PPP1R9A: variants seen among roughly 807,000 people sequenced by gnomAD.
PPP1R9A encodes neurabin-1.
A neutral mutation model predicts 141.9 loss-of-function variants in PPP1R9A; 59 were observed. That is an observed-to-expected ratio of 0.42 (90% CI 0.34 to 0.52). PPP1R9A has a LOEUF of 0.52. Ranked by LOEUF, PPP1R9A falls within the 20% of genes least tolerant of loss-of-function variation. PPP1R9A has a pLI of 0.10. For synonymous variants in PPP1R9A, 500 were observed against 569.7 expected, an observed-to-expected ratio of 0.88 and a Z score of 1.74; for missense variants, 1,444 against 1,611.9, an observed-to-expected ratio of 0.90 and a Z score of 1.78.
chr7:95,251,034 T>C (rs1309378797), intron 10 of PPP1R9A, among the ~76,000 whole-genome samples: 1 of 152,190 alleles, frequency 6.6e-6, no homozygotes, highest in African/African-American at 2.4e-5. Context: ...AGATTAACCA[T>C]ATTTCTTTTA....
At chr7:94,995,667 C>G (rs1802078485) in intron 2 of PPP1R9A, among the ~76,000 whole-genome samples, 2 of 152,084 alleles carry the variant, frequency 1.3e-5, no homozygotes, top group Admixed American at 6.5e-5. Flanking sequence ...TTTAGTATCT[C>G]CCATACCTCT....
At chr7:95,058,801 T>C (rs180936537) in intron 2 of PPP1R9A, among the ~76,000 whole-genome samples, 6 of 151,976 alleles carry the variant, frequency 3.9e-5, no homozygotes, top group African/African-American at 9.7e-5. Context: ...CTTTTCTTTT[T>C]TTTTTTGAGA....
intron 2 of PPP1R9A, among the ~76,000 whole-genome samples, chr7:94,959,700 A>G (rs182267925): frequency 2.6e-5 from 4 of 151,824 alleles, no homozygotes; most frequent in Admixed American, 2.6e-4. Flanking sequence ...TCAGTTATTC[A>G]ATTTTTAATT....
At position 95,211,143 on chromosome 7, in the gene PPP1R9A, T is replaced by TA. The variant is rs58991785; in HGVS notation, c.1956+7426dup. On this transcript the variant is annotated intron_variant, in intron 7 of 19. Transcript: ENST00000433360. Reference sequence around the variant, plus strand: ...CACATGTATCCCAGAACTTAAAGTATAAAAAAAAAAAAACATTAAAAATAA... The same window carrying TA: ...CACATGTATCCCAGAACTTAAAGTATAAAAAAAAAAAAAACATTAAAAATAA... Among the ~76,000 whole-genome samples, 919 of 142,022 alleles carry TA rather than the reference T, an allele frequency of 6.5e-3. 4 individuals are homozygous for TA. The highest frequency in any genetic ancestry group is 0.013 in the African/African-American group (495 of 37,874). 93.2% of individuals were successfully genotyped at this position (142,022 alleles called of 152,430 possible).
intron 2 of PPP1R9A, among the ~76,000 whole-genome samples, chr7:95,110,669 C>T (rs963404457): frequency 2.0e-5 from 3 of 152,164 alleles, no homozygotes; most frequent in Non-Finnish European, 4.4e-5. Flanking sequence ...GTTTGCTGTA[C>T]AGCCCTTTAG....
At chr7:95,049,626 C>T (rs918686686) in intron 2 of PPP1R9A, among the ~76,000 whole-genome samples, 1 of 151,742 alleles carries the variant, frequency 6.6e-6, no homozygotes, top group Non-Finnish European at 1.5e-5. Context: ...TGACATATAT[C>T]CACATCATGC....
chr7:95,172,842 G>T (rs2152755954), intron 5 of PPP1R9A, among the ~76,000 whole-genome samples: 1 of 151,986 alleles, frequency 6.6e-6, no homozygotes, highest in East Asian at 1.9e-4. Flanking sequence ...TCTGGTTGAG[G>T]TATAAGAATA....
intron 5 of PPP1R9A, among the ~76,000 whole-genome samples, chr7:95,180,382 A>G (rs111744995): frequency 3.3e-5 from 5 of 152,154 alleles, no homozygotes; most frequent in Non-Finnish European, 7.4e-5. Context: ...TCAACTCAAG[A>G]TGGATTAAGG....
intron 3 of PPP1R9A, among the ~76,000 whole-genome samples, chr7:95,114,376 A>G (rs1244611224): frequency 6.6e-6 from 1 of 152,202 alleles, no homozygotes; most frequent in African/African-American, 2.4e-5. Flanking sequence ...AAAAAGTAGT[A>G]TTAAAAAGTA....
At chr7:95,282,611 A>G (rs965742416) in intron 16 of PPP1R9A, among the ~76,000 whole-genome samples, 1 of 152,174 alleles carries the variant, frequency 6.6e-6, no homozygotes, top group East Asian at 1.9e-4. Flanking sequence ...CACCCTCCCC[A>G]GAGGCTGCAG....
At chr7:94,936,862 T>TTAAAAGA (rs1794825618) in intron 2 of PPP1R9A, among the ~76,000 whole-genome samples, 1 of 152,128 alleles carries the variant, frequency 6.6e-6, no homozygotes, top group Non-Finnish European at 1.5e-5. Flanking sequence ...AAGTAATTTC[T>TTAAAAGA]CTAGTTGTTA....
chr7:94,929,689 A>G (rs1011344318), intron 2 of PPP1R9A, among the ~76,000 whole-genome samples: 1 of 152,056 alleles, frequency 6.6e-6, no homozygotes, highest in African/African-American at 2.4e-5. Flanking sequence ...GAGCATGGAA[A>G]GGCATTTTTA....
At chr7:95,151,344 A>T (rs1828632355) in intron 4 of PPP1R9A, among the ~76,000 whole-genome samples, 1 of 152,262 alleles carries the variant, frequency 6.6e-6, no homozygotes, top group South Asian at 2.1e-4. Flanking sequence ...AATGCATATC[A>T]GTAAATGAAG....
intron 2 of PPP1R9A, among the ~76,000 whole-genome samples, chr7:94,911,870 A>G (rs1474768672): frequency 6.6e-6 from 1 of 152,218 alleles, no homozygotes; most frequent in Non-Finnish European, 1.5e-5. Context: ...ATTCATAAAT[A>G]ATATTTTCTG....
Position 95,191,611 on chromosome 7 carries a change from T to TA in PPP1R9A, c.1755-6732dup, listed in dbSNP as rs148278533. ...TCCAAGGTAATTTTGTTTAACACAA[T>TA]AAAAAACCATGCTAAAAACATAAAC... is the stretch of plus-strand genomic sequence containing the variant. On this transcript the variant is annotated intron_variant, in intron 5 of 19. Transcript: ENST00000433360. Among the ~76,000 whole-genome samples, 333 of 152,192 alleles carry TA rather than the reference T, an allele frequency of 2.2e-3. 1 individual carries two copies. Among genetic ancestry groups the TA allele is most frequent in the Non-Finnish European group, 3.3e-3 (221 of 67,940 alleles).
chr7:95,198,306 G>T (rs1481493364), intron 5 of PPP1R9A, 43 bp from the exon 6 acceptor site: 2 of 1,528,684 alleles, frequency 1.3e-6, no homozygotes, highest in Admixed American at 4.3e-5. Flanking sequence ...ACTCCTTTTT[G>T]TTGGAGAGTC....
chr7:95,031,389 AT>A (rs1807662818), intron 2 of PPP1R9A, among the ~76,000 whole-genome samples: 1 of 152,206 alleles, frequency 6.6e-6, no homozygotes, highest in African/African-American at 2.4e-5. Context: ...GAATCCTTTC[AT>A]AAAGTGATAA....
chr7:94,915,863 A>G (rs1792008483), intron 2 of PPP1R9A, among the ~76,000 whole-genome samples: 1 of 152,204 alleles, frequency 6.6e-6, no homozygotes, highest in Non-Finnish European at 1.5e-5. Context: ...AAATACACTT[A>G]GGTACAGCCG....
At chr7:95,042,064 A>T in intron 2 of PPP1R9A, among the ~76,000 whole-genome samples, 1 of 152,124 alleles carries the variant, frequency 6.6e-6, no homozygotes, top group Admixed American at 6.6e-5. Context: ...CCCTTGGGCA[A>T]TAGGTTTTAC....
Sources: allele counts gnomAD v4.1 joint callset (sites outside exome capture counted in the v4.1 genomes callset), GRCh38; gene constraint gnomAD v4.1.1; transcripts MANE v1.5; gene names NCBI Gene and HGNC (gene_info 2026-07-23, HGNC 2026-07-21).